The following TVP23B variants were observed in gnomAD, a reference collection of about 807,000 sequenced individuals.
TVP23B encodes Golgi apparatus membrane protein TVP23 homolog B.
Under a neutral mutation model 30.6 loss-of-function variants are expected in TVP23B, and 10 were observed. The observed-to-expected ratio is 0.33, with a 90% confidence interval of 0.20 to 0.55. TVP23B has a LOEUF of 0.55. Ranked by LOEUF, TVP23B falls within the 20% of genes least tolerant of loss-of-function variation. The pLI, the probability that TVP23B is intolerant of heterozygous loss-of-function variation, is 0.91. For missense variants in TVP23B, 153 were observed against 243.2 expected (o/e 0.63, Z 2.47); for synonymous variants, 67 against 83.1 (o/e 0.81, Z 1.06).
chr17:18,795,394 A>C (rs943907821), intron 3 of TVP23B, among the ~76,000 whole-genome samples: 3 of 152,126 alleles, frequency 2.0e-5, no homozygotes, highest in Non-Finnish European at 2.9e-5. Context: ...TTACTTGAGC[A>C]AACCAGAAAT....
In TVP23B at chr17:18,790,685, A is replaced by G. The variant is rs549039147; in HGVS notation, c.96-211A>G. ...AATGAGGTGTTAAAGTCATCTGTGCATAGTGTATTTTCTGTAACTACAGGG... is the reference window on the plus strand; with the variant it reads ...AATGAGGTGTTAAAGTCATCTGTGCGTAGTGTATTTTCTGTAACTACAGGG... On this transcript the variant is annotated intron_variant, in intron 2 of 6. Transcript: ENST00000307767. 1.6e-4 allele frequency among the ~76,000 whole-genome samples: 25 copies of G among 152,256 alleles called. 1 individual carries two copies. The East Asian group carries it at 4.8e-3, about 29-fold the overall frequency.
At position 18,781,194 on chromosome 17, in the gene TVP23B, C is replaced by T. The variant is rs2035798414; in HGVS notation, c.-100C>T. 3 of 1,522,286 alleles carry T rather than the reference C, an allele frequency of 2.0e-6. No homozygotes were observed. The highest frequency in any genetic ancestry group is 2.7e-6 in the Non-Finnish European group (3 of 1,131,126). 94.3% of individuals were successfully genotyped at this position (1,522,286 alleles called of 1,614,324 possible). On this transcript the variant is annotated 5_prime_UTR_variant, in exon 1 of 7. Transcript: ENST00000307767. ...GCCGGACTGAGGCTCTTACAGTGGT[C>T]CCTGCTGGCCCTTGGTGACGGGTCG...
chr17:18,802,975 A>G (rs1244935812), intron 5 of TVP23B, among the ~76,000 whole-genome samples: 2 of 152,218 alleles, frequency 1.3e-5, no homozygotes, highest in East Asian at 3.8e-4. Context: ...TCCATGAAAC[A>G]TAAGTTTAGA....
chr17:18,782,468 C>T (rs1267788765), intron 1 of TVP23B: 2 of 150,274 alleles, frequency 1.3e-5, no homozygotes, highest in East Asian at 1.9e-4. Flanking sequence ...GGCCACTGCA[C>T]TCCATCCAGC....
chr17:18,784,573 C>T (rs2035870829), intron 1 of TVP23B, among the ~76,000 whole-genome samples: 1 of 152,208 alleles, frequency 6.6e-6, no homozygotes. Context: ...GTCGCTTGAA[C>T]CCGGGAGGTG....
chr17:18,798,772 A>G, intron 4 of TVP23B, 40 bp from the exon 5 acceptor site: 1 of 1,580,788 alleles, frequency 6.3e-7, no homozygotes, highest in Non-Finnish European at 8.6e-7. Context: ...TTTATTGATA[A>G]ATTTCACAAC....
intron 6 of TVP23B, among the ~76,000 whole-genome samples, chr17:18,805,301 G>A (rs533239497): frequency 3.3e-5 from 5 of 151,878 alleles, no homozygotes; most frequent in African/African-American, 1.2e-4. Context: ...AGCCAGGATG[G>A]TCTCGATCTC....
At chr17:18,801,351 T>C (rs953497375) in intron 5 of TVP23B, among the ~76,000 whole-genome samples, 32 of 152,066 alleles carry the variant, frequency 2.1e-4, no homozygotes, top group African/African-American at 7.5e-4. Context: ...TGCACTTCCC[T>C]TTTTCCTTAT....
intron 3 of TVP23B, among the ~76,000 whole-genome samples, chr17:18,795,334 CTCT>C (rs1436207558): frequency 2.6e-5 from 4 of 152,118 alleles, no homozygotes; most frequent in Non-Finnish European, 2.9e-5. Flanking sequence ...TCCCCAAAAG[CTCT>C]TCTTCTTTGA....
intron 5 of TVP23B, among the ~76,000 whole-genome samples, chr17:18,803,609 G>A (rs2036201328): frequency 6.6e-6 from 1 of 152,250 alleles, no homozygotes. Flanking sequence ...CTGTCTCCCT[G>A]CTCGGGGAAG....
intron 1 of TVP23B, among the ~76,000 whole-genome samples, chr17:18,785,847 G>A (rs1410894851): frequency 6.6e-6 from 1 of 151,986 alleles, no homozygotes; most frequent in Non-Finnish European, 1.5e-5. Context: ...AAAAAAAAAT[G>A]GCCAGTCTGG....
At chr17:18,794,298 G>C (rs1180071963) in intron 3 of TVP23B, among the ~76,000 whole-genome samples, 2 of 152,172 alleles carry the variant, frequency 1.3e-5, no homozygotes, top group African/African-American at 4.8e-5. Context: ...AAATATCACT[G>C]TGAAGAAAAT....
chr17:18,798,290 A>G (rs1182185593), intron 4 of TVP23B, among the ~76,000 whole-genome samples: 3 of 152,224 alleles, frequency 2.0e-5, no homozygotes, highest in Non-Finnish European at 4.4e-5. Flanking sequence ...CACTGTGTTC[A>G]ATGAGCCTGT....
In TVP23B at chr17:18,798,079, G is replaced by A. The variant is rs570290957; in HGVS notation, c.330+411G>A. ...GGCAGGAAAAAGGAGGAGGAGTGCA[G>A]CTGGATAGAATATCTGATCGGAGCA... On this transcript the variant is annotated intron_variant, in intron 4 of 6. Coordinates refer to ENST00000307767, the MANE Select transcript of TVP23B (RefSeq NM_016078.6). Among the ~76,000 whole-genome samples the A allele has an allele frequency of 2.0e-5, 3 of 152,350 alleles. No individual in the cohort carries two copies. In the East Asian group the frequency reaches 5.8e-4, roughly 29 times the overall value.
chr17:18,781,707 G>T, intron 1 of TVP23B: 1 of 257,872 alleles, frequency 3.9e-6, no homozygotes, highest in Non-Finnish European at 7.4e-6. Flanking sequence ...CTTTCAAATT[G>T]CTGTTTCCAA....
At chr17:18,804,043 C>G (rs970769502) in intron 5 of TVP23B, 95 bp from the exon 6 acceptor site, 10 of 752,288 alleles carry the variant, frequency 1.3e-5, no homozygotes, top group Non-Finnish European at 1.8e-5. Flanking sequence ...CCTCTTCCTT[C>G]TCTTTCTCAT....
chr17:18,805,783 T>C lies in TVP23B; in HGVS notation c.*216T>C, dbSNP rs1159448151. On this transcript the variant is annotated 3_prime_UTR_variant, in exon 7 of 7. Transcript: ENST00000307767. ...AAAGTATGTGTTGGCACTAGAAACA[T>C]TGTCAAGATTTGTTCTGTGGTGTAG... The C allele has an allele frequency of 3.5e-6, 5 of 1,413,806 alleles. No individual in the cohort carries two copies. The highest frequency in any genetic ancestry group is 4.6e-6 in the Non-Finnish European group (5 of 1,085,006). The allele number at this position is 1,413,806 out of a possible 1,614,324, so 87.6% of individuals were successfully genotyped here.
At position 18,805,889 on chromosome 17, in the gene TVP23B, T is replaced by C. The variant is rs1043628; in HGVS notation, c.*322T>C. 229,112 of 1,099,366 alleles carry C rather than the reference T, an allele frequency of 0.21. 25,467 individuals carry two copies. The highest frequency in any genetic ancestry group is 0.53 in the East Asian group (10,052 of 19,058). 68.1% of individuals were successfully genotyped at this position (1,099,366 alleles called of 1,614,324 possible). Reference sequence around the variant, plus strand: ...TAATGAAAGTGTTCATTTACATAGGTAATGGAGACCTTTGCATTTTGATCC... The same window carrying C: ...TAATGAAAGTGTTCATTTACATAGGCAATGGAGACCTTTGCATTTTGATCC... On this transcript the variant is annotated 3_prime_UTR_variant, in exon 7 of 7. Coordinates refer to ENST00000307767, the MANE Select transcript of TVP23B (RefSeq NM_016078.6).
chr17:18,796,942 C>T (rs901391976), intron 3 of TVP23B: 1 of 154,580 alleles, frequency 6.5e-6, no homozygotes, highest in African/African-American at 2.4e-5. Flanking sequence ...GCATCTCACA[C>T]TTTTCCCTTG....
Sources: allele counts gnomAD v4.1 joint callset (sites outside exome capture counted in the v4.1 genomes callset), GRCh38; gene constraint gnomAD v4.1.1; transcripts MANE v1.5; gene names NCBI Gene and HGNC (gene_info 2026-07-23, HGNC 2026-07-21).